The following PKP4 variants were observed in gnomAD, a reference collection of about 807,000 sequenced individuals.
PKP4 encodes plakophilin 4, also known as plakophilin-4.
A neutral mutation model predicts 145.1 loss-of-function variants in PKP4; 90 were observed. The observed-to-expected ratio is 0.62, with a 90% CI of 0.52 to 0.74. The LOEUF (loss-of-function observed/expected upper bound fraction) is 0.74, where lower values mean the gene tolerates loss of function less well. PKP4 is among the 30% of genes least tolerant of loss of function. The pLI is 0.00. For missense variants in PKP4, 1,340 were observed against 1,482.7 expected (o/e 0.90, Z 1.58); for synonymous variants, 563 against 577.2 (o/e 0.98, Z 0.35).
rs869120223 is a variant in PKP4, at chr2:158,530,504, CTTTTT to C, written c.-5-2656_-5-2652del. On this transcript the variant is annotated intron_variant, in intron 1 of 21. Transcript: ENST00000389759. ...TTTACGATAGAAGTACTCTTTCTTTCTTTTTTTTTTTTTTTTTTTTTTTTGCTAGT... is the reference window on the plus strand; with the variant it reads ...TTTACGATAGAAGTACTCTTTCTTTCTTTTTTTTTTTTTTTTTTTGCTAGT... Among the ~76,000 whole-genome samples, 15 of 92,142 alleles carry C rather than the reference CTTTTT, an allele frequency of 1.6e-4. No homozygotes were observed. The East Asian group carries it at 2.1e-3, about 13-fold the overall frequency. The allele number at this position is 92,142 out of a possible 152,430, so 60.4% of individuals were successfully genotyped here.
intron 1 of PKP4, 46 bp from the exon 2 acceptor site, chr2:158,533,134 A>G: frequency 2.6e-6 from 4 of 1,544,650 alleles, no homozygotes; most frequent in South Asian, 2.5e-5. Context: ...GGTTCCTGCA[A>G]GGGAGCCCAG....
Position 158,561,942 on chromosome 2 carries a change from C to T in PKP4, c.133-15329C>T, listed in dbSNP as rs577645756. On this transcript the variant is annotated intron_variant, in intron 2 of 21. Coordinates refer to ENST00000389759, the MANE Select transcript of PKP4 (RefSeq NM_003628.6). ...TCCCTCCCCCCAGCCCCCCACCCCC[C>T]GACAGGCCCCGGTGTGTGATGCTCC... 3.3e-3 allele frequency among the ~76,000 whole-genome samples: 500 copies of T among 149,796 alleles called. 1 individual carries two copies. The highest frequency in any genetic ancestry group is 0.011 in the African/African-American group (456 of 40,408).
intron 1 of PKP4, among the ~76,000 whole-genome samples, chr2:158,486,880 G>A (rs1035734138): frequency 6.6e-6 from 1 of 152,180 alleles, no homozygotes; most frequent in Admixed American, 6.5e-5. Flanking sequence ...GACAGTCTTT[G>A]TAGGTTGAGT....
chr2:158,544,370 C>T (rs920776384), intron 2 of PKP4, among the ~76,000 whole-genome samples: 4 of 152,066 alleles, frequency 2.6e-5, no homozygotes, highest in Admixed American at 6.6e-5. Context: ...CTTAAGTCAG[C>T]AAAGTAAAAA....
In PKP4 at chr2:158,653,508, A is replaced by T. The variant is rs544733401; in HGVS notation, c.1910-4623A>T. ...CAGTATTTCATTGTGATTATTGGTT[A>T]CTCATAATTATATGTACTTGTTCCT... On this transcript the variant is annotated intron_variant, in intron 11 of 21. Coordinates refer to ENST00000389759, the MANE Select transcript of PKP4 (RefSeq NM_003628.6). Among the ~76,000 whole-genome samples, 32 of 152,312 alleles carry T rather than the reference A, an allele frequency of 2.1e-4. 1 individual carries two copies. In the East Asian group the frequency reaches 2.7e-3, roughly 13 times the overall value.
chr2:158,553,737 C>T (rs982436799), intron 2 of PKP4, among the ~76,000 whole-genome samples: 1 of 152,034 alleles, frequency 6.6e-6, no homozygotes, highest in Non-Finnish European at 1.5e-5. Flanking sequence ...AGTGTCATAA[C>T]TATTATCCTA....
At chr2:158,626,464 T>A (rs1452418676) in intron 7 of PKP4, among the ~76,000 whole-genome samples, 1 of 152,240 alleles carries the variant, frequency 6.6e-6, no homozygotes, top group Non-Finnish European at 1.5e-5. Flanking sequence ...TTAGAGATGA[T>A]GTAGTACATA....
chr2:158,485,684 G>T (rs557902207), intron 1 of PKP4, among the ~76,000 whole-genome samples: 10 of 152,208 alleles, frequency 6.6e-5, no homozygotes, highest in African/African-American at 2.2e-4. Flanking sequence ...TAACCCTTTA[G>T]TTCATTGTCA....
chr2:158,642,738 G>GA (rs2054424610), intron 11 of PKP4, 39 bp downstream of exon 11: 6 of 1,482,822 alleles, frequency 4.0e-6, no homozygotes, highest in Non-Finnish European at 5.5e-6. Flanking sequence ...AGGAAATGTT[G>GA]AAAACAGTCT....
intron 1 of PKP4, among the ~76,000 whole-genome samples, chr2:158,470,557 T>G (rs932957542): frequency 7.2e-5 from 11 of 152,180 alleles, no homozygotes; most frequent in Admixed American, 5.2e-4. Flanking sequence ...CACAATCTAA[T>G]TCATTATTTT....
At chr2:158,645,479 G>A (rs1403148745) in intron 11 of PKP4, among the ~76,000 whole-genome samples, 1 of 152,172 alleles carries the variant, frequency 6.6e-6, no homozygotes, top group Non-Finnish European at 1.5e-5. Context: ...TTTGTCTGAT[G>A]TTTCTCTTCC....
intron 1 of PKP4, among the ~76,000 whole-genome samples, chr2:158,513,726 T>G (rs964810869): frequency 9.2e-5 from 14 of 152,170 alleles, no homozygotes; most frequent in Admixed American, 3.9e-4. Context: ...GCCTCAACTT[T>G]CACCGTCATC....
chr2:158,474,505 T>A (rs937310810), intron 1 of PKP4, among the ~76,000 whole-genome samples: 8 of 152,160 alleles, frequency 5.3e-5, no homozygotes, highest in Admixed American at 1.3e-4. Flanking sequence ...AAAAAATTTT[T>A]TAAAAAACCA....
chr2:158,670,296 G>A (rs1158447244), intron 17 of PKP4, among the ~76,000 whole-genome samples: 3 of 152,312 alleles, frequency 2.0e-5, no homozygotes, highest in Admixed American at 6.5e-5. Context: ...TGTCTGGTGA[G>A]GGCCCCGATT....
intron 1 of PKP4, among the ~76,000 whole-genome samples, chr2:158,513,927 A>G (rs1470117201): frequency 6.6e-6 from 1 of 152,068 alleles, no homozygotes; most frequent in Non-Finnish European, 1.5e-5. Context: ...TCTTTGTAGT[A>G]AGTCTCATCT....
chr2:158,514,189 T>C (rs944114037), intron 1 of PKP4, among the ~76,000 whole-genome samples: 3 of 152,228 alleles, frequency 2.0e-5, no homozygotes, highest in African/African-American at 7.2e-5. Flanking sequence ...ACAAACACTT[T>C]TGAATACCTA....
intron 1 of PKP4, among the ~76,000 whole-genome samples, chr2:158,502,679 C>T (rs1210242563): frequency 1.3e-5 from 2 of 152,150 alleles, no homozygotes; most frequent in Non-Finnish European, 2.9e-5. Flanking sequence ...TTCCAAGTCA[C>T]CTTTAGGGAA....
intron 2 of PKP4, among the ~76,000 whole-genome samples, chr2:158,538,944 T>C (rs2044295063): frequency 6.6e-6 from 1 of 152,190 alleles, no homozygotes; most frequent in Non-Finnish European, 1.5e-5. Flanking sequence ...AAGCAAAGAA[T>C]AGATTTGGTA....
chr2:158,565,435 C>CTTTTTTTTTTTTTTTTTTTTTCTTTTT (rs10690465), intron 2 of PKP4, among the ~76,000 whole-genome samples: 1 of 135,764 alleles, frequency 7.4e-6, no homozygotes, highest in Non-Finnish European at 1.5e-5. Flanking sequence ...TTCTTTTTTC[C>CTTTTTTTTTTTTTTTTTTTTTCTTTTT]TTTTTTTTTT....
Sources: gnomAD v4.1 joint callset for allele counts (sites outside exome capture counted in the v4.1 genomes callset) on GRCh38, gnomAD v4.1.1 for gene constraint, MANE v1.5 for transcripts, NCBI Gene and HGNC (gene_info 2026-07-23, HGNC 2026-07-21) for gene names.